The following SMAD6 variants were observed in gnomAD, a reference collection of about 807,000 sequenced individuals.
SMAD6 encodes SMAD family member 6.
In SMAD6, 103 loss-of-function variants were observed where a neutral mutation model predicts 39.4. That is an observed-to-expected ratio of 2.62 (90% CI 2.23 to 3.08). The LOEUF (loss-of-function observed/expected upper bound fraction) is 3.08, where lower values mean the gene tolerates loss of function less well. SMAD6 is among the 30% of genes most tolerant of loss of function. SMAD6 has a pLI of 0.00. For synonymous variants in SMAD6, 445 were observed against 353.3 expected (o/e 1.26, Z -2.91); for missense variants, 1,104 against 742.9 (o/e 1.49, Z -5.65).
At chr15:66,759,344 GA>G (rs1183004737) in intron 3 of SMAD6, among the ~76,000 whole-genome samples, 2 of 148,550 alleles carry the variant, frequency 1.3e-5, no homozygotes, top group African/African-American at 2.6e-5. Flanking sequence ...GGAAGAGAGA[GA>G]GAGAGAGAGA....
intron 3 of SMAD6, among the ~76,000 whole-genome samples, chr15:66,759,415 A>G (rs1894160690): frequency 6.6e-6 from 1 of 152,168 alleles, no homozygotes; most frequent in Non-Finnish European, 1.5e-5. Context: ...TTGGGGTACA[A>G]GTAGCTTTTG....
At chr15:66,778,520 C>T (rs1277698066) in intron 3 of SMAD6, among the ~76,000 whole-genome samples, 1 of 152,120 alleles carries the variant, frequency 6.6e-6, no homozygotes, top group Admixed American at 6.5e-5. Context: ...CAGCAGTGAC[C>T]CCTCCCTTAG....
intron 3 of SMAD6, among the ~76,000 whole-genome samples, chr15:66,776,005 C>T (rs1894461484): frequency 6.6e-6 from 1 of 152,194 alleles, no homozygotes; most frequent in South Asian, 2.1e-4. Flanking sequence ...AGCACGTCAG[C>T]TTGTGTTGGA....
At chr15:66,751,379 G>A (rs546221660) in intron 3 of SMAD6, among the ~76,000 whole-genome samples, 1 of 152,194 alleles carries the variant, frequency 6.6e-6, no homozygotes, top group South Asian at 2.1e-4. Flanking sequence ...AGTGCCTAGT[G>A]CTTAGTGCAT....
intron 3 of SMAD6, among the ~76,000 whole-genome samples, chr15:66,736,006 G>T (rs1748408625): frequency 6.6e-6 from 1 of 152,124 alleles, no homozygotes; most frequent in South Asian, 2.1e-4. Flanking sequence ...GGTGATGCTT[G>T]AAATTTTTCC....
At chr15:66,772,387 T>TA (rs1361187328) in intron 3 of SMAD6, among the ~76,000 whole-genome samples, 1 of 152,216 alleles carries the variant, frequency 6.6e-6, no homozygotes, top group Non-Finnish European at 1.5e-5. Context: ...AAAGGTTTCT[T>TA]AAATGTGAGC....
chr15:66,704,026 C>T lies in SMAD6; in HGVS notation c.768C>T (p.Gly256=). 1 of 1,511,686 alleles carries T rather than the reference C, an allele frequency of 6.6e-7. No homozygotes were observed. Among genetic ancestry groups the T allele is most frequent in the South Asian group, 1.2e-5 (1 of 81,864 alleles). The allele number at this position is 1,511,686 out of a possible 1,614,324, so 93.6% of individuals were successfully genotyped here. A position where few individuals can be genotyped will look rare whatever the true frequency, so the allele number is the denominator to read the frequency against. Residue 256 remains glycine, a synonymous_variant, in exon 1 of 4, where the codon GGC becomes GGT. Coordinates refer to ENST00000288840, the MANE Select transcript of SMAD6 (RefSeq NM_005585.5). ...GCHSFAAAAD[G]PTVCCNPYHF... is the part of the protein sequence containing the mutation. Reference sequence around the variant, plus strand: ...ACAGCTTCGCCGCCGCCGCCGACGGCCCTACCGTGTGCTGCAACCCCTACC... The same window carrying T: ...ACAGCTTCGCCGCCGCCGCCGACGGTCCTACCGTGTGCTGCAACCCCTACC...
intron 3 of SMAD6, among the ~76,000 whole-genome samples, chr15:66,753,833 G>C (rs372663449): frequency 6.6e-6 from 1 of 152,278 alleles, no homozygotes; most frequent in South Asian, 2.1e-4. Context: ...AGGACTCCTC[G>C]GTCCTGGCTC....
At chr15:66,776,319 G>A (rs1223422151) in intron 3 of SMAD6, among the ~76,000 whole-genome samples, 8 of 152,216 alleles carry the variant, frequency 5.3e-5, no homozygotes, top group East Asian at 1.9e-4. Context: ...ACTGGAGCCC[G>A]TAAACAAGGC....
At position 66,735,661 on chromosome 15, in the gene SMAD6, C is replaced by T. The variant is rs566247380; in HGVS notation, c.952+19163C>T. Reference sequence around the variant, plus strand: ...CAAGAATGTGGTCTCCACTGGAGTCCAGCTCAGCCTGATCCCTGGGGACGT... The same window carrying T: ...CAAGAATGTGGTCTCCACTGGAGTCTAGCTCAGCCTGATCCCTGGGGACGT... On this transcript the variant is annotated intron_variant, in intron 3 of 3. Transcript: ENST00000288840. Among the ~76,000 whole-genome samples the T allele has an allele frequency of 1.2e-3, 186 of 152,308 alleles. 3 individuals are homozygous for T. Among genetic ancestry groups the T allele is most frequent in the Admixed American group, 0.011 (165 of 15,302 alleles).
rs775482716 is a variant in SMAD6 at position 66,703,858 on chromosome 15, C to T, written c.600C>T (p.Gly200=). ...TLLEAVESRG[G]VPGGCVLVPR... ...TGGAGGCGGTGGAGTCCCGCGGCGG[C>T]GTGCCGGGCGGCTGCGTGCTGGTGC... The change falls in exon 1 of 4, where the codon GGC becomes GGT. Residue 200 remains glycine, a synonymous_variant. Coordinates refer to ENST00000288840, the MANE Select transcript of SMAD6 (RefSeq NM_005585.5). 2.2e-6 allele frequency: 3 copies of T among 1,346,402 alleles called. No individual in the cohort carries two copies. Among genetic ancestry groups the T allele is most frequent in the South Asian group, 1.8e-5 (1 of 55,810 alleles). 83.4% of individuals were successfully genotyped at this position (1,346,402 alleles called of 1,614,324 possible).
intron 3 of SMAD6, among the ~76,000 whole-genome samples, chr15:66,764,541 A>G (rs1894257632): frequency 6.6e-6 from 1 of 152,148 alleles, no homozygotes; most frequent in Non-Finnish European, 1.5e-5. Flanking sequence ...CAGATATAAC[A>G]TGGAATGCAG....
At chr15:66,726,937 G>A (rs947555878) in intron 3 of SMAD6, among the ~76,000 whole-genome samples, 1 of 151,920 alleles carries the variant, frequency 6.6e-6, no homozygotes, top group African/African-American at 2.4e-5. Flanking sequence ...AAATCTAGAT[G>A]GACCTGGAAG....
intron 3 of SMAD6, among the ~76,000 whole-genome samples, chr15:66,721,707 G>A (rs1358853972): frequency 6.6e-6 from 1 of 152,232 alleles, no homozygotes; most frequent in African/African-American, 2.4e-5. Context: ...CACACTGCAT[G>A]TGGTGGGTGT....
At chr15:66,768,264 A>G (rs1894324110) in intron 3 of SMAD6, among the ~76,000 whole-genome samples, 1 of 152,092 alleles carries the variant, frequency 6.6e-6, no homozygotes, top group Non-Finnish European at 1.5e-5. Context: ...GAGCCACCAT[A>G]TCCAGCCTAC....
intron 3 of SMAD6, among the ~76,000 whole-genome samples, chr15:66,729,750 G>A (rs1028106416): frequency 4.6e-5 from 7 of 152,152 alleles, no homozygotes; most frequent in Non-Finnish European, 8.8e-5. Context: ...CTTGATTCAC[G>A]ACCGAGTTAC....
At chr15:66,735,756 T>C (rs1893701904) in intron 3 of SMAD6, among the ~76,000 whole-genome samples, 1 of 152,156 alleles carries the variant, frequency 6.6e-6, no homozygotes, top group Admixed American at 6.5e-5. Flanking sequence ...TCCATGTCAG[T>C]TGGTCATTGG....
Position 66,703,317 on chromosome 15 carries a change from C to T in SMAD6, c.59C>T (p.Pro20Leu), listed in dbSNP as rs1272318834. Residue 20 changes from proline (P) to leucine (L), a missense_variant, in exon 1 of 4, where the codon CCC becomes CTC. Transcript: ENST00000288840. ...CGACTTTGGCGAAGTCGTGTGGTCCCCGACCGGGAGGAAGGCGGCAGCGGC... is the reference window on the plus strand; with the variant it reads ...CGACTTTGGCGAAGTCGTGTGGTCCTCGACCGGGAGGAAGGCGGCAGCGGC... ...VRRLWRSRVV[P>L]DREEGGSGGG... 4 of 1,487,592 alleles carry T rather than the reference C, an allele frequency of 2.7e-6. No homozygotes were observed. Among genetic ancestry groups the T allele is most frequent in the South Asian group, 2.6e-5 (2 of 77,970 alleles). The allele number at this position is 1,487,592 out of a possible 1,614,324, so 92.1% of individuals were successfully genotyped here. A position where few individuals can be genotyped will look rare whatever the true frequency, so the allele number is the denominator to read the frequency against.
chr15:66,756,612 C>G (rs1413060352), intron 3 of SMAD6, among the ~76,000 whole-genome samples: 1 of 152,254 alleles, frequency 6.6e-6, no homozygotes, highest in African/African-American at 2.4e-5. Context: ...GTCTGCCCTC[C>G]CCTCCATCCC....
Sources: gnomAD v4.1 joint callset for allele counts (sites outside exome capture counted in the v4.1 genomes callset) on GRCh38, gnomAD v4.1.1 for gene constraint, MANE v1.5 for transcripts, NCBI Gene and HGNC (gene_info 2026-07-23, HGNC 2026-07-21) for gene names.